The following PLEKHA1 variants were observed in gnomAD, a reference collection of about 807,000 sequenced individuals.
PLEKHA1 encodes pleckstrin homology domain containing A1.
Under a neutral mutation model 52.0 loss-of-function variants are expected in PLEKHA1, and 34 were observed. That is an observed-to-expected ratio of 0.65 (90% confidence interval 0.50 to 0.87). PLEKHA1 has a LOEUF of 0.87. Among genes scored for constraint, PLEKHA1 ranks in the 40% least tolerant of loss-of-function variants. The probability of loss-of-function intolerance (pLI) is 0.00; values close to 1 mark genes in which losing one functional copy is unlikely to be tolerated. For missense variants in PLEKHA1, 497 were observed against 504.2 expected, an observed-to-expected ratio of 0.99 and a Z score of 0.14; for synonymous variants, 163 against 170.7, an observed-to-expected ratio of 0.95 and a Z score of 0.35.
At chr10:122,434,840 T>C (rs2097432602), downstream of PLEKHA1, 1 of 149,942 alleles carries the variant, frequency 6.7e-6, no homozygotes, top group South Asian at 2.2e-4. Context: ...GTCCTTGCGA[T>C]AGTTTACTGA....
chr10:122,410,520 A>G (rs2097093182), intron 5 of PLEKHA1, among the ~76,000 whole-genome samples: 1 of 152,196 alleles, frequency 6.6e-6, no homozygotes, highest in African/African-American at 2.4e-5. Context: ...ACAGAGGTAC[A>G]TATTGTTTTT....
At chr10:122,434,439 C>A (rs994919471), downstream of PLEKHA1, 1 of 151,974 alleles carries the variant, frequency 6.6e-6, no homozygotes, top group South Asian at 2.1e-4. Context: ...CTAGTTCTGC[C>A]GTATGTGACT....
At chr10:122,407,822 C>G (rs2097045089) in intron 5 of PLEKHA1, among the ~76,000 whole-genome samples, 1 of 152,160 alleles carries the variant, frequency 6.6e-6, no homozygotes, top group African/African-American at 2.4e-5. Context: ...TCTCAAAGAA[C>G]ATGTGCCCTG....
chr10:122,425,028 A>G, intron 10 of PLEKHA1, 69 bp downstream of exon 10: 1 of 1,400,566 alleles, frequency 7.1e-7, no homozygotes, highest in South Asian at 1.3e-5. Context: ...GGTGAAATAA[A>G]CATAAACAAG....
At chr10:122,389,414 C>A (rs1455523129) in intron 1 of PLEKHA1, among the ~76,000 whole-genome samples, 3 of 152,136 alleles carry the variant, frequency 2.0e-5, no homozygotes, top group African/African-American at 7.2e-5. Context: ...TTAAAATATT[C>A]AGTGGCTGGG....
At chr10:122,423,686 G>A (rs1433103461) in intron 8 of PLEKHA1, 1 of 153,778 alleles carries the variant, frequency 6.5e-6, no homozygotes, top group Admixed American at 6.5e-5. Context: ...TAGTACATGT[G>A]TTGTAGGGTT....
At chr10:122,383,587 G>A (rs2096647421) in intron 1 of PLEKHA1, among the ~76,000 whole-genome samples, 1 of 151,428 alleles carries the variant, frequency 6.6e-6, no homozygotes, top group Non-Finnish European at 1.5e-5. Context: ...AAAGTGCTGG[G>A]ATTACAATTG....
chr10:122,421,175 G>A (rs2097255505), intron 8 of PLEKHA1: 2 of 152,196 alleles, frequency 1.3e-5, no homozygotes, highest in South Asian at 4.2e-4. Flanking sequence ...TAAAGTGAAT[G>A]TCATTGGTAA....
chr10:122,426,545 A>G (rs1421190294), intron 10 of PLEKHA1, among the ~76,000 whole-genome samples: 1 of 152,238 alleles, frequency 6.6e-6, no homozygotes, highest in Non-Finnish European at 1.5e-5. Flanking sequence ...AATTATTTCC[A>G]GAAAAATATG....
intron 1 of PLEKHA1, among the ~76,000 whole-genome samples, chr10:122,380,811 G>T (rs2096604709): frequency 6.6e-6 from 1 of 152,088 alleles, no homozygotes; most frequent in South Asian, 2.1e-4. Context: ...TTTAACGTAG[G>T]CATCAGGAAT....
the PLEKHA1 span, chr10:122,440,320 G>A: frequency 2.0e-5 from 3 of 152,286 alleles, no homozygotes; most frequent in Non-Finnish European, 2.9e-5. Flanking sequence ...CTTATCCTAC[G>A]TTCATTGCCC....
intron 6 of PLEKHA1, among the ~76,000 whole-genome samples, chr10:122,415,337 G>A (rs1274330868): frequency 2.0e-5 from 3 of 152,114 alleles, no homozygotes; most frequent in African/African-American, 4.8e-5. Flanking sequence ...GAGCCTTGGG[G>A]TGATGACCAA....
Position 122,424,221 on chromosome 10 carries a change from T to TA in PLEKHA1, c.705dup (p.Pro236ThrfsTer3). The TA allele has an allele frequency of 7.3e-7, 1 of 1,366,170 alleles. No individual in the cohort carries two copies. The highest frequency in any genetic ancestry group is 1.0e-6 in the Non-Finnish European group (1 of 989,654). The allele number at this position is 1,366,170 out of a possible 1,614,324, so 84.6% of individuals were successfully genotyped here. On this transcript the variant is annotated frameshift_variant, in exon 9 of 12. Coordinates refer to ENST00000368990, the MANE Select transcript of PLEKHA1 (RefSeq NM_001001974.4). LOFTEE classifies it high-confidence loss of function. ...CAGGAAAAGGAACCTCTTCGTGTAATACCACTTAAAGAGGTTCATAAAGTC... is the reference window on the plus strand; with the variant it reads ...CAGGAAAAGGAACCTCTTCGTGTAATAACCACTTAAAGAGGTTCATAAAGTC...
chr10:122,430,289 CTT>C lies in PLEKHA1; in HGVS notation c.*353_*354del, dbSNP rs1410121373. 2 of 173,574 alleles carry C rather than the reference CTT, an allele frequency of 1.2e-5. No homozygotes were observed. Among genetic ancestry groups the C allele is most frequent in the African/African-American group, 4.8e-5 (2 of 42,092 alleles). The allele number at this position is 173,574 out of a possible 1,614,324, so 10.8% of individuals were successfully genotyped here. A position where few individuals can be genotyped will look rare whatever the true frequency, so the allele number is the denominator to read the frequency against. On this transcript the variant is annotated 3_prime_UTR_variant, in exon 12 of 12. Transcript: ENST00000368990. ...AAGCATTAAAAATGCTTATTAATAA[CTT>C]TGGTCATTTAAAAAATGCTACAATG...
chr10:122,410,703 A>G (rs983754880), intron 5 of PLEKHA1, among the ~76,000 whole-genome samples: 7 of 152,232 alleles, frequency 4.6e-5, no homozygotes, highest in Non-Finnish European at 1.0e-4. Context: ...AGCATAAGCA[A>G]GGACTTTTAA....
At chr10:122,414,332 C>T (rs2097145723) in intron 6 of PLEKHA1, among the ~76,000 whole-genome samples, 1 of 151,996 alleles carries the variant, frequency 6.6e-6, no homozygotes, top group Admixed American at 6.6e-5. Context: ...ATAGATATTT[C>T]AGTAGTTTCT....
chr10:122,412,566 A>G, intron 5 of PLEKHA1: 1 of 185,710 alleles, frequency 5.4e-6, no homozygotes, highest in Non-Finnish European at 1.1e-5. Flanking sequence ...CTTGGCTAGA[A>G]TGTATTATAG....
chr10:122,421,242 T>A (rs1397642315), intron 8 of PLEKHA1: 1 of 152,160 alleles, frequency 6.6e-6, no homozygotes, highest in East Asian at 1.9e-4. Flanking sequence ...GCATCACTTC[T>A]GTGAAATCCC....
chr10:122,384,222 G>C (rs1031014632), intron 1 of PLEKHA1, among the ~76,000 whole-genome samples: 1 of 152,112 alleles, frequency 6.6e-6, no homozygotes, highest in African/African-American at 2.4e-5. Flanking sequence ...TTAAATGCTA[G>C]GGAGATTAGC....
Sources: gnomAD v4.1 joint callset for allele counts (sites outside exome capture counted in the v4.1 genomes callset) on GRCh38, gnomAD v4.1.1 for gene constraint, MANE v1.5 for transcripts, NCBI Gene and HGNC (gene_info 2026-07-23, HGNC 2026-07-21) for gene names.